Variants in M1AP observed in about 807,000 individuals in gnomAD.
M1AP encodes meiosis 1 arrest protein.
Under a neutral mutation model 51.2 loss-of-function variants are expected in M1AP, and 39 were observed. The observed-to-expected ratio is 0.76, with a 90% CI of 0.59 to 1.00. M1AP has a LOEUF of 1.00. Ranked by LOEUF, M1AP falls within the 50% of genes least tolerant of loss-of-function variation. The pLI, the probability that M1AP is intolerant of heterozygous loss-of-function variation, is 0.00. For synonymous variants in M1AP, 251 were observed against 249.2 expected (o/e 1.01, Z -0.07); for missense variants, 545 against 641.2 (o/e 0.85, Z 1.62).
At chr2:74,605,654 A>G (rs527592903) in intron 4 of M1AP, among the ~76,000 whole-genome samples, 13 of 152,140 alleles carry the variant, frequency 8.5e-5, no homozygotes, top group Non-Finnish European at 1.6e-4. Context: ...TAATCCCAGC[A>G]CTTTGGGAGG....
intron 2 of M1AP, among the ~76,000 whole-genome samples, chr2:74,637,590 A>G (rs1268768856): frequency 6.6e-6 from 1 of 152,214 alleles, no homozygotes; most frequent in African/African-American, 2.4e-5. Flanking sequence ...ACCTGGAAAC[A>G]GTTTGACACT....
intron 3 of M1AP, among the ~76,000 whole-genome samples, 165 bp downstream of exon 3, chr2:74,614,799 G>A (rs903202431): frequency 6.6e-6 from 1 of 152,174 alleles, no homozygotes; most frequent in African/African-American, 2.4e-5. Context: ...ACAGGTTATA[G>A]GAAGAAGAGA....
intron 2 of M1AP, among the ~76,000 whole-genome samples, chr2:74,634,650 G>A (rs1425021206): frequency 6.6e-6 from 1 of 152,166 alleles, no homozygotes; most frequent in Non-Finnish European, 1.5e-5. Flanking sequence ...TAGGGGGAAA[G>A]CATTCAGTCT....
intron 1 of M1AP, among the ~76,000 whole-genome samples, chr2:74,643,700 C>A (rs1266937753): frequency 6.6e-6 from 1 of 151,160 alleles, no homozygotes; most frequent in Non-Finnish European, 1.5e-5. Context: ...CTCAAGTGAT[C>A]CTCCCACCTC....
chr2:74,645,465 GGA>G lies in M1AP; in HGVS notation c.-53+2798_-53+2799del, dbSNP rs1573205699. ...GGACTCAACTCTGCAGGAAGGGCTT[GGA>G]CACCAGACCAAATTGAGGACTAGCT... On this transcript the variant is annotated intron_variant, in intron 1 of 10. Coordinates refer to ENST00000421985, the MANE Select transcript of M1AP (RefSeq NM_001321739.2). 2.0e-5 allele frequency among the ~76,000 whole-genome samples: 3 copies of G among 152,306 alleles called. No homozygotes were observed. The East Asian group carries it at 5.8e-4, about 29-fold the overall frequency.
intron 7 of M1AP, among the ~76,000 whole-genome samples, chr2:74,564,991 C>T (rs766352735): frequency 2.0e-5 from 3 of 152,128 alleles, no homozygotes; most frequent in Admixed American, 6.5e-5. Flanking sequence ...GAAGCTGAGG[C>T]GGGCAGATCA....
chr2:74,632,689 T>C (rs2104811478), intron 2 of M1AP, among the ~76,000 whole-genome samples: 1 of 152,314 alleles, frequency 6.6e-6, no homozygotes, highest in East Asian at 1.9e-4. Context: ...GATTCTTGCT[T>C]ATACTATTAC....
intron 7 of M1AP, among the ~76,000 whole-genome samples, chr2:74,568,782 C>T (rs371786270): frequency 1.5e-4 from 23 of 152,212 alleles, no homozygotes; most frequent in South Asian, 6.2e-4. Context: ...ATACACCAGG[C>T]TTTCAGTGGA....
chr2:74,570,441 A>G (rs867816367), intron 7 of M1AP, among the ~76,000 whole-genome samples: 70 of 152,366 alleles, frequency 4.6e-4, no homozygotes, highest in Admixed American at 9.1e-4. Context: ...CACTATGTCA[A>G]TCTGGAGTTT....
chr2:74,600,186 GA>G lies in M1AP; in HGVS notation c.595+6868del, dbSNP rs1484634619. The stretch of plus-strand genomic sequence containing the variant: ...TTCTATCTCAACTGAAAAACCCTGG[GA>G]AAGTTATTATAGACAAGAAAATATG... On this transcript the variant is annotated intron_variant, in intron 4 of 10. Coordinates refer to ENST00000421985, the MANE Select transcript of M1AP (RefSeq NM_001321739.2). Among the ~76,000 whole-genome samples, 6 of 152,256 alleles carry G rather than the reference GA, an allele frequency of 3.9e-5. No individual in the cohort carries two copies. The South Asian group carries it at 8.3e-4, about 21-fold the overall frequency.
chr2:74,620,374 T>C (rs886718340), intron 2 of M1AP, among the ~76,000 whole-genome samples: 11 of 152,220 alleles, frequency 7.2e-5, no homozygotes, highest in Non-Finnish European at 1.5e-4. Flanking sequence ...CATTGCAACA[T>C]GCAGAGGCAA....
Position 74,585,548 on chromosome 2 carries a change from C to T in M1AP, c.596-3701G>A, listed in dbSNP as rs568118319. ...AGCAGTCTTCCCTGTTGTCACCCATCGATGTTCTGACATTCTTTTCTAACT... is the reference window on the plus strand; with the variant it reads ...AGCAGTCTTCCCTGTTGTCACCCATTGATGTTCTGACATTCTTTTCTAACT... On this transcript the variant is annotated intron_variant, in intron 4 of 10. Coordinates refer to ENST00000421985, the MANE Select transcript of M1AP (RefSeq NM_001321739.2). Among the ~76,000 whole-genome samples, 6 of 152,324 alleles carry T rather than the reference C, an allele frequency of 3.9e-5. No homozygotes were observed. The South Asian group carries it at 8.3e-4, about 21-fold the overall frequency.
chr2:74,589,224 G>A (rs1679897270), intron 4 of M1AP, among the ~76,000 whole-genome samples: 1 of 152,246 alleles, frequency 6.6e-6, no homozygotes, highest in Non-Finnish European at 1.5e-5. Flanking sequence ...AAGTTCAAAG[G>A]TCTTGAGATG....
chr2:74,639,203 C>T (rs1337738694), intron 2 of M1AP, among the ~76,000 whole-genome samples: 1 of 152,042 alleles, frequency 6.6e-6, no homozygotes, highest in East Asian at 1.9e-4. Context: ...TTTCCACTTC[C>T]AATGAGGGAA....
At position 74,560,224 on chromosome 2, in the gene M1AP, G is replaced by A. The variant is rs1677819180; in HGVS notation, c.1349C>T (p.Ser450Leu). 2 of 1,613,822 alleles carry A rather than the reference G, an allele frequency of 1.2e-6. No homozygotes were observed. The highest frequency in any genetic ancestry group is 1.7e-6 in the Non-Finnish European group (2 of 1,179,950). ...CTTGGCATAGATGCTGCTCAGGTGT[G>A]AGTACAGGTGGCTTTGAACATGCAA... ...NPLHVQSHLY[S>L]HLSSIYAKPQ... The change falls in exon 9 of 11, where the codon TCA (serine) becomes TTA (leucine). Residue 450 changes from serine to leucine, a missense_variant. By Grantham distance (145) the Ser-to-Leu change is moderately radical. Coordinates refer to ENST00000421985, the MANE Select transcript of M1AP (RefSeq NM_001321739.2).
At chr2:74,563,840 G>A (rs1678200527) in intron 7 of M1AP, among the ~76,000 whole-genome samples, 1 of 152,120 alleles carries the variant, frequency 6.6e-6, no homozygotes. Context: ...CTTCTGAGAA[G>A]ATTTTGTAGA....
At chr2:74,605,770 G>A (rs1370482723) in intron 4 of M1AP, among the ~76,000 whole-genome samples, 4 of 151,996 alleles carry the variant, frequency 2.6e-5, no homozygotes, top group South Asian at 2.1e-4. Flanking sequence ...GCTTGGTGGC[G>A]GGTGCCTGTA....
chr2:74,616,743 A>C (rs562529342), intron 2 of M1AP, among the ~76,000 whole-genome samples: 2 of 152,234 alleles, frequency 1.3e-5, no homozygotes, highest in Non-Finnish European at 2.9e-5. Context: ...TGTATATACA[A>C]ATTTTGAGAA....
chr2:74,563,459 C>T (rs1193702203), intron 7 of M1AP, among the ~76,000 whole-genome samples: 3 of 151,894 alleles, frequency 2.0e-5, no homozygotes, highest in East Asian at 1.9e-4. Context: ...ATTAGCTGGA[C>T]GTGGTGGCGC....
Sources: gnomAD v4.1 joint callset for allele counts (sites outside exome capture counted in the v4.1 genomes callset) on GRCh38, gnomAD v4.1.1 for gene constraint, MANE v1.5 for transcripts, NCBI Gene and HGNC (gene_info 2026-07-23, HGNC 2026-07-21) for gene names.